Variants in TENM3 observed in about 807,000 individuals in gnomAD.
TENM3 encodes the protein teneurin transmembrane protein 3, also known as teneurin-3.
Under a neutral mutation model 255.1 loss-of-function variants are expected in TENM3, and 63 were observed. The observed-to-expected ratio is 0.25, with a 90% CI of 0.20 to 0.30. The LOEUF is 0.30. TENM3 is among the 10% of genes least tolerant of loss of function. TENM3 has a pLI of 1.00. For synonymous variants in TENM3, 1,306 were observed against 1,322.3 expected (o/e 0.99, Z 0.27); for missense variants, 2,929 against 3,461.1 (o/e 0.85, Z 3.86).
intron 24 of TENM3, among the ~76,000 whole-genome samples, chr4:182,787,690 G>A (rs972125934): frequency 1.1e-4 from 15 of 131,082 alleles, no homozygotes; most frequent in East Asian, 2.4e-4. Flanking sequence ...AGCCGAGATC[G>A]CACCACTGTA....
chr4:181,785,489 C>T, the TENM3 span, among the ~76,000 whole-genome samples: 599 of 152,190 alleles, frequency 3.9e-3, 4 homozygotes, highest in African/African-American at 0.014. Flanking sequence ...CTTGAATTGA[C>T]GCGTATTACC....
chr4:181,769,530 C>T, the TENM3 span, among the ~76,000 whole-genome samples: 4 of 152,136 alleles, frequency 2.6e-5, no homozygotes, highest in Non-Finnish European at 5.9e-5. Flanking sequence ...CTTAATAAAA[C>T]TTATTTGTAA....
the TENM3 span, among the ~76,000 whole-genome samples, chr4:181,705,902 T>G: frequency 9.6e-3 from 1,457 of 152,238 alleles, 69 homozygotes; most frequent in East Asian, 0.14. Context: ...CTGGTTTCAT[T>G]TAATATAAAT....
At chr4:182,375,330 A>T (rs934335379) in intron 3 of TENM3, among the ~76,000 whole-genome samples, 2 of 152,030 alleles carry the variant, frequency 1.3e-5, no homozygotes, top group African/African-American at 4.8e-5. Flanking sequence ...CACCCCAAAT[A>T]GATGCCTGGT....
intron 1 of TENM3, among the ~76,000 whole-genome samples, chr4:182,212,424 G>A (rs150971589): frequency 2.2e-4 from 34 of 152,218 alleles, no homozygotes; most frequent in Admixed American, 5.2e-4. Context: ...CTCTGCAGGC[G>A]CCCGTTGGCC....
the TENM3 span, among the ~76,000 whole-genome samples, chr4:181,711,193 C>T: frequency 6.6e-6 from 1 of 152,186 alleles, no homozygotes; most frequent in African/African-American, 2.4e-5. Context: ...CAACAAGCCA[C>T]ATATGCACAA....
intron 3 of TENM3, among the ~76,000 whole-genome samples, chr4:182,419,348 A>G (rs537354509): frequency 6.6e-6 from 1 of 152,314 alleles, no homozygotes; most frequent in South Asian, 2.1e-4. Context: ...TCGAATGGCA[A>G]TCATTAAAAA....
the TENM3 span, among the ~76,000 whole-genome samples, chr4:181,756,821 C>T: frequency 6.6e-6 from 1 of 152,232 alleles, no homozygotes; most frequent in East Asian, 1.9e-4. Context: ...GACTGCCTAG[C>T]TCCTTCTGTG....
At chr4:182,062,496 G>A in the TENM3 span, among the ~76,000 whole-genome samples, 1 of 152,180 alleles carries the variant, frequency 6.6e-6, no homozygotes, top group Non-Finnish European at 1.5e-5. Context: ...AAATATCTAT[G>A]CATGGTATTA....
At chr4:181,794,872 T>C in the TENM3 span, among the ~76,000 whole-genome samples, 1 of 152,128 alleles carries the variant, frequency 6.6e-6, no homozygotes, top group Non-Finnish European at 1.5e-5. Context: ...CTCAGGTTAC[T>C]TCAGAGCACC....
the TENM3 span, among the ~76,000 whole-genome samples, chr4:181,834,549 CTGGGA>C: frequency 6.6e-6 from 1 of 152,202 alleles, no homozygotes; most frequent in Non-Finnish European, 1.5e-5. Flanking sequence ...GCACCTGCAC[CTGGGA>C]TCCCACCTCA....
the TENM3 span, among the ~76,000 whole-genome samples, chr4:181,798,079 A>G: frequency 7.7e-6 from 1 of 129,872 alleles, no homozygotes; most frequent in Non-Finnish European, 1.6e-5. Flanking sequence ...GTTAACGCAT[A>G]TTTCAAAATA....
intron 12 of TENM3, among the ~76,000 whole-genome samples, chr4:182,702,704 A>G (rs1256295464): frequency 6.6e-6 from 1 of 151,388 alleles, no homozygotes; most frequent in Non-Finnish European, 1.5e-5. Context: ...CAAAATCAGA[A>G]CCATGTGAGC....
At chr4:181,477,691 C>T in the TENM3 span, among the ~76,000 whole-genome samples, 1 of 152,086 alleles carries the variant, frequency 6.6e-6, no homozygotes, top group African/African-American at 2.4e-5. Context: ...TCCTCAGTCA[C>T]CAAATTGCTG....
chr4:182,314,078 C>T (rs1041922867), intron 1 of TENM3, among the ~76,000 whole-genome samples: 5 of 152,060 alleles, frequency 3.3e-5, no homozygotes, highest in Non-Finnish European at 5.9e-5. Context: ...TTGGGGAGTC[C>T]GAGGCAGGCA....
the TENM3 span, among the ~76,000 whole-genome samples, chr4:181,536,138 A>G: frequency 6.6e-6 from 1 of 152,220 alleles, no homozygotes; most frequent in African/African-American, 2.4e-5. Context: ...CTTCTGGTGA[A>G]TAATAGGTGC....
At chr4:182,549,902 C>T (rs1396792571) in intron 3 of TENM3, among the ~76,000 whole-genome samples, 3 of 152,056 alleles carry the variant, frequency 2.0e-5, no homozygotes, top group Non-Finnish European at 2.9e-5. Context: ...AGAACTATAT[C>T]TAGGCAAGAA....
At chr4:182,109,684 A>G in the TENM3 span, among the ~76,000 whole-genome samples, 2 of 152,212 alleles carry the variant, frequency 1.3e-5, no homozygotes, top group Non-Finnish European at 2.9e-5. Context: ...TGCCATACTG[A>G]GGTCCGAATT....
chr4:182,508,758 G>A (rs753471812), intron 3 of TENM3, among the ~76,000 whole-genome samples: 43 of 152,208 alleles, frequency 2.8e-4, no homozygotes, highest in Non-Finnish European at 1.5e-5. Flanking sequence ...TTGAATCACA[G>A]TGACAACCTA....
Sources: gnomAD v4.1 joint callset for allele counts (sites outside exome capture counted in the v4.1 genomes callset) on GRCh38, gnomAD v4.1.1 for gene constraint, MANE v1.5 for transcripts, NCBI Gene and HGNC (gene_info 2026-07-23, HGNC 2026-07-21) for gene names.